ASAP2: variants seen among roughly 807,000 people sequenced by gnomAD.
ASAP2 encodes the protein arf-GAP with SH3 domain, ANK repeat and PH domain-containing protein 2.
A neutral mutation model predicts 131.4 loss-of-function variants in ASAP2; 45 were observed. The ratio of observed to expected loss-of-function variants is 0.34; its 90% confidence interval spans 0.27 to 0.44. The LOEUF is 0.44. Among genes scored for constraint, ASAP2 ranks in the 20% least tolerant of loss-of-function variants. ASAP2 has a pLI of 1.00. For synonymous variants in ASAP2, 510 were observed against 503.0 expected (o/e 1.01, Z -0.19); for missense variants, 1,011 against 1,297.0 (o/e 0.78, Z 3.39).
intron 9 of ASAP2, among the ~76,000 whole-genome samples, chr2:9,335,786 A>C (rs555094469): frequency 6.6e-6 from 1 of 152,240 alleles, no homozygotes; most frequent in Non-Finnish European, 1.5e-5. Context: ...GTAAGTTTTA[A>C]AGATAATTTT....
chr2:9,377,493 T>C (rs1284013829), intron 18 of ASAP2, among the ~76,000 whole-genome samples: 1 of 152,138 alleles, frequency 6.6e-6, no homozygotes, highest in Non-Finnish European at 1.5e-5. Flanking sequence ...AAATGGCCTT[T>C]AGAGATGTGC....
In ASAP2 at chr2:9,268,861, C is replaced by T. The variant is rs118062344; in HGVS notation, c.127-10456C>T. ...TCTGCTCTCCCCAGGGCAGCATCTT[C>T]GGGTTCTAAGAAGGAAGCCAGCCTC... is the stretch of plus-strand genomic sequence containing the variant. On this transcript the variant is annotated intron_variant, in intron 1 of 27. Coordinates refer to ENST00000281419, the MANE Select transcript of ASAP2 (RefSeq NM_003887.3). The surrounding 1 kb of genome is among the most constrained non-coding windows in gnomAD (Gnocchi z 4.1). Among the ~76,000 whole-genome samples the T allele has an allele frequency of 0.024, 3,651 of 152,252 alleles. 96 individuals are homozygous for T. The highest frequency in any genetic ancestry group is 0.086 in the Admixed American group (1,309 of 15,298).
chr2:9,330,565 A>G (rs1357746741), intron 7 of ASAP2, among the ~76,000 whole-genome samples: 1 of 152,226 alleles, frequency 6.6e-6, no homozygotes, highest in East Asian at 1.9e-4. Context: ...TAAAAAATAT[A>G]AAAAGAGAGC....
chr2:9,220,227 T>A (rs1662321572), intron 1 of ASAP2, among the ~76,000 whole-genome samples: 1 of 152,106 alleles, frequency 6.6e-6, no homozygotes, highest in African/African-American at 2.4e-5. Flanking sequence ...TACCTAGGAG[T>A]GGAATTGCTA....
intron 1 of ASAP2, among the ~76,000 whole-genome samples, chr2:9,229,493 G>T (rs1161744707): frequency 1.3e-5 from 2 of 152,200 alleles, no homozygotes; most frequent in African/African-American, 2.4e-5. Flanking sequence ...AGAAATAGCC[G>T]TCCCCCTTGG....
Position 9,357,759 on chromosome 2 carries a change from C to T in ASAP2, c.1328-997C>T, listed in dbSNP as rs562526029. Among the ~76,000 whole-genome samples the T allele has an allele frequency of 1.5e-4, 23 of 152,230 alleles. No individual in the cohort carries two copies. In the South Asian group the frequency reaches 3.3e-3, roughly 22 times the overall value. ...CGTCCTACACAAGTGCAGACACAGACGCCAAGAAGGTTTTCCAACATGGAT... is the reference window on the plus strand; with the variant it reads ...CGTCCTACACAAGTGCAGACACAGATGCCAAGAAGGTTTTCCAACATGGAT... On this transcript the variant is annotated intron_variant, in intron 14 of 27. Coordinates refer to ENST00000281419, the MANE Select transcript of ASAP2 (RefSeq NM_003887.3).
intron 23 of ASAP2, among the ~76,000 whole-genome samples, chr2:9,393,118 C>T (rs1675847896): frequency 6.6e-6 from 1 of 152,220 alleles, no homozygotes; most frequent in Non-Finnish European, 1.5e-5. Flanking sequence ...ATGTGCAAAG[C>T]AGGCCCTGCT....
At chr2:9,357,490 C>CA (rs1387565088) in intron 14 of ASAP2, among the ~76,000 whole-genome samples, 1 of 151,704 alleles carries the variant, frequency 6.6e-6, no homozygotes, top group Non-Finnish European at 1.5e-5. Context: ...AACAAACAAA[C>CA]AAAAAACCCG....
chr2:9,234,129 AAAG>A (rs1663370281), intron 1 of ASAP2, among the ~76,000 whole-genome samples: 1 of 149,600 alleles, frequency 6.7e-6, no homozygotes, highest in Non-Finnish European at 1.5e-5. Context: ...AAAAAAAAAA[AAAG>A]GAAGAGGGGA....
intron 2 of ASAP2, 66 bp downstream of exon 2, chr2:9,279,455 T>G: frequency 6.9e-7 from 1 of 1,444,280 alleles, no homozygotes; most frequent in Non-Finnish European, 9.7e-7. Flanking sequence ...CCTGGTACCG[T>G]AATATTGATG....
chr2:9,397,480 G>A (rs1428422208), intron 24 of ASAP2, among the ~76,000 whole-genome samples: 2 of 152,050 alleles, frequency 1.3e-5, no homozygotes, highest in Admixed American at 6.6e-5. Flanking sequence ...TCAGCGCCCA[G>A]TGGAGTTCTG....
chr2:9,400,009 C>T lies in ASAP2; in HGVS notation c.2685-14C>T, dbSNP rs150738837. The stretch of plus-strand genomic sequence containing the variant: ...TCCGGTAGCAGTAAATCTACTTTTT[C>T]CCTGTCTTTGTAGGGCTGACAAGTC... On this transcript the variant is annotated splice_polypyrimidine_tract_variant and intron_variant, in intron 24 of 27. Coordinates refer to ENST00000281419, the MANE Select transcript of ASAP2 (RefSeq NM_003887.3). 2.6e-4 allele frequency: 413 copies of T among 1,612,858 alleles called. 5 individuals carry two copies. In the African/African-American group the frequency reaches 4.9e-3, roughly 19 times the overall value.
At chr2:9,277,154 G>T (rs1257824126) in intron 1 of ASAP2, among the ~76,000 whole-genome samples, 1 of 152,236 alleles carries the variant, frequency 6.6e-6, no homozygotes, top group African/African-American at 2.4e-5. Context: ...GGAACTTAGA[G>T]CTCTGAGGAG....
In ASAP2 at chr2:9,308,567, C is replaced by T. The variant is rs548075728; in HGVS notation, c.346-9957C>T. Among the ~76,000 whole-genome samples the T allele has an allele frequency of 3.9e-5, 6 of 152,038 alleles. No homozygotes were observed. In the East Asian group the frequency reaches 5.8e-4, roughly 15 times the overall value. ...TGTAAAAGGGAACAGGAGGGCTTTT[C>T]GATGGAGACAGCATCTAGGATGGCA... On this transcript the variant is annotated intron_variant, in intron 3 of 27. Transcript: ENST00000281419.
intron 24 of ASAP2, among the ~76,000 whole-genome samples, chr2:9,398,486 G>C (rs1313980739): frequency 6.6e-6 from 1 of 151,880 alleles, no homozygotes; most frequent in Non-Finnish European, 1.5e-5. Context: ...CTCGAGCTTG[G>C]GTAATAGGGC....
intron 2 of ASAP2, among the ~76,000 whole-genome samples, chr2:9,287,830 C>T (rs1340008968): frequency 6.6e-6 from 1 of 152,186 alleles, no homozygotes; most frequent in Non-Finnish European, 1.5e-5. Flanking sequence ...CTTGTGGAAT[C>T]CTGTCCGCAG....
intron 1 of ASAP2, among the ~76,000 whole-genome samples, chr2:9,255,463 T>C (rs184190626): frequency 3.8e-4 from 58 of 152,356 alleles, no homozygotes; most frequent in South Asian, 3.5e-3. Context: ...TAAATTCTCC[T>C]ATGGAATTTT....
At chr2:9,336,450 T>C (rs916137561) in intron 9 of ASAP2, among the ~76,000 whole-genome samples, 2 of 152,316 alleles carry the variant, frequency 1.3e-5, no homozygotes, top group African/African-American at 4.8e-5. Flanking sequence ...TCACAGCCTA[T>C]TCCTCTTTTT....
chr2:9,369,329 C>T (rs1193358437), intron 16 of ASAP2, among the ~76,000 whole-genome samples: 1 of 152,142 alleles, frequency 6.6e-6, no homozygotes, highest in East Asian at 1.9e-4. Flanking sequence ...AGCGGAGAAG[C>T]TTTTGTGTCT....
Sources: allele counts gnomAD v4.1 joint callset (sites outside exome capture counted in the v4.1 genomes callset), GRCh38; gene constraint gnomAD v4.1.1; non-coding constraint Gnocchi (gnomAD v3.1); transcripts MANE v1.5; gene names NCBI Gene and HGNC (gene_info 2026-07-23, HGNC 2026-07-21).